Variants in CPNE4 observed in about 807,000 individuals in gnomAD.
CPNE4 encodes the protein copine-4.
CPNE4 carries 25 observed loss-of-function variants against 67.9 expected under a neutral mutation model. The ratio of observed to expected loss-of-function variants is 0.37; its 90% CI spans 0.27 to 0.51. CPNE4 has a LOEUF of 0.51. CPNE4 is among the 20% of genes least tolerant of loss of function. The pLI is 0.93. For synonymous variants in CPNE4, 242 were observed against 244.9 expected, an observed-to-expected ratio of 0.99 and a Z score of 0.11; for missense variants, 464 against 690.8, an observed-to-expected ratio of 0.67 and a Z score of 3.68.
At chr3:131,946,246 A>G (rs1030167711) in intron 1 of CPNE4, among the ~76,000 whole-genome samples, 38 of 152,076 alleles carry the variant, frequency 2.5e-4, no homozygotes, top group African/African-American at 8.9e-4. Flanking sequence ...TCTATTCTGA[A>G]TATTTCATAT....
At chr3:131,789,047 G>C (rs2083643095) in intron 2 of CPNE4, among the ~76,000 whole-genome samples, 2 of 151,372 alleles carry the variant, frequency 1.3e-5, no homozygotes, top group South Asian at 4.2e-4. Context: ...GAGAGAGAGA[G>C]AGAGAGAGAG....
chr3:131,721,398 C>CTT lies in CPNE4; in HGVS notation c.360+2046_360+2047dup, dbSNP rs35719411. The stretch of plus-strand genomic sequence containing the variant: ...CCACATGATTCCCACACGGATCTAC[C>CTT]TTTTTTTTTTTTTTTGAGACGGAGT... On this transcript the variant is annotated intron_variant, in intron 3 of 15. Coordinates refer to ENST00000429747, the MANE Select transcript of CPNE4 (RefSeq NM_130808.3). Among the ~76,000 whole-genome samples the CTT allele has an allele frequency of 8.0e-4, 103 of 128,318 alleles. 2 individuals carry two copies. The highest frequency in any genetic ancestry group is 1.0e-3 in the African/African-American group (35 of 33,838). 84.2% of individuals were successfully genotyped at this position (128,318 alleles called of 152,430 possible). A position where few individuals can be genotyped will look rare whatever the true frequency, so the allele number is the denominator to read the frequency against.
At chr3:131,670,650 A>G (rs2080387481) in intron 6 of CPNE4, among the ~76,000 whole-genome samples, 1 of 152,236 alleles carries the variant, frequency 6.6e-6, no homozygotes, top group Admixed American at 6.5e-5. Context: ...GTCCCCACCC[A>G]GAACTACCGA....
At chr3:131,657,896 A>G (rs983191931) in intron 7 of CPNE4, among the ~76,000 whole-genome samples, 5 of 152,112 alleles carry the variant, frequency 3.3e-5, no homozygotes, top group African/African-American at 4.8e-5. Flanking sequence ...CAAGCACCTT[A>G]TTAACTTAAT....
At chr3:131,737,102 T>G (rs1382472555) in intron 2 of CPNE4, among the ~76,000 whole-genome samples, 6 of 149,290 alleles carry the variant, frequency 4.0e-5, no homozygotes, top group African/African-American at 1.2e-4. Context: ...CCTCTTTTTA[T>G]GAAGTATTGT....
chr3:131,729,963 TCAGGCAGAAGG>T lies in CPNE4; in HGVS notation c.181-6349_181-6339del, dbSNP rs1327282103. ...CCGACAGTGATGGTAACTTTTCTGCTCAGGCAGAAGGCACTTACATGTTATCTTCTTCAAGC... is the reference window on the plus strand; with the variant it reads ...CCGACAGTGATGGTAACTTTTCTGCTCACTTACATGTTATCTTCTTCAAGC... On this transcript the variant is annotated intron_variant, in intron 2 of 15. Transcript: ENST00000429747. Among the ~76,000 whole-genome samples the T allele has an allele frequency of 3.3e-5, 5 of 152,346 alleles. 1 individual carries two copies. The South Asian group carries it at 8.3e-4, about 25-fold the overall frequency.
At chr3:132,004,922 T>G (rs1478172035) in intron 1 of CPNE4, among the ~76,000 whole-genome samples, 1 of 152,086 alleles carries the variant, frequency 6.6e-6, no homozygotes, top group Admixed American at 6.5e-5. Context: ...ACCACTAGAA[T>G]AGATTCTTTT....
intron 7 of CPNE4, among the ~76,000 whole-genome samples, chr3:131,611,862 T>C (rs1939861311): frequency 6.6e-6 from 1 of 152,084 alleles, no homozygotes; most frequent in African/African-American, 2.4e-5. Context: ...AACTTCACCA[T>C]GAGCAAGGAT....
At chr3:131,635,087 A>G (rs908320357) in intron 7 of CPNE4, among the ~76,000 whole-genome samples, 3 of 152,212 alleles carry the variant, frequency 2.0e-5, no homozygotes, top group African/African-American at 7.2e-5. Flanking sequence ...ATGCTTTTCC[A>G]TGATTTCTGT....
chr3:131,898,481 G>T (rs766246068), intron 2 of CPNE4, among the ~76,000 whole-genome samples: 1 of 152,090 alleles, frequency 6.6e-6, no homozygotes, highest in Non-Finnish European at 1.5e-5. Context: ...GCATACAAAA[G>T]AATTAATTAA....
Position 131,542,715 on chromosome 3 carries a change from A to G in CPNE4, c.1381T>C (p.Ser461Pro), listed in dbSNP as rs1935575315. 2 of 1,614,012 alleles carry G rather than the reference A, an allele frequency of 1.2e-6. No homozygotes were observed. The highest frequency in any genetic ancestry group is 2.2e-5 in the East Asian group (1 of 44,838). Residue 461 changes from serine (S) to proline (P), a missense_variant, in exon 15 of 16, where the codon TCC (serine) becomes CCC (proline). This residue lies in a region of CPNE4 where 201 missense variants were observed against 357.7 expected (regional missense o/e 0.56). Coordinates refer to ENST00000429747, the MANE Select transcript of CPNE4 (RefSeq NM_130808.3). ...ATGATGACTGACATGGGGAGGTGGGAGGCATGGACAATGGCCTCCCGGGTG... is the reference window on the plus strand; with the variant it reads ...ATGATGACTGACATGGGGAGGTGGGGGGCATGGACAATGGCCTCCCGGGTG... Reference protein sequence around the residue: ...ADTREAIVHASHLPMSVIIVG... With the variant: ...ADTREAIVHAPHLPMSVIIVG...
intron 3 of CPNE4, among the ~76,000 whole-genome samples, chr3:131,702,794 C>T (rs11918849): frequency 1.3e-5 from 2 of 151,998 alleles, no homozygotes; most frequent in Admixed American, 6.6e-5. Context: ...CTAGAAATAC[C>T]AATGTTCCAT....
chr3:131,829,250 G>T (rs2107990337), intron 2 of CPNE4, among the ~76,000 whole-genome samples: 1 of 152,290 alleles, frequency 6.6e-6, no homozygotes, highest in African/African-American at 2.4e-5. Context: ...ATGACATTTG[G>T]GTGGGGACAC....
intron 7 of CPNE4, among the ~76,000 whole-genome samples, chr3:131,602,533 T>C (rs1253799745): frequency 6.6e-6 from 1 of 152,130 alleles, no homozygotes; most frequent in Admixed American, 6.6e-5. Context: ...AATATGTCAC[T>C]CTTGGAAGCT....
chr3:131,538,385 C>T (rs1437550346), intron 15 of CPNE4, among the ~76,000 whole-genome samples: 1 of 152,182 alleles, frequency 6.6e-6, no homozygotes, highest in African/African-American at 2.4e-5. Context: ...TCCCCCATCC[C>T]CTTGCATATC....
At chr3:131,977,194 T>C (rs1481247521) in intron 1 of CPNE4, among the ~76,000 whole-genome samples, 2 of 152,152 alleles carry the variant, frequency 1.3e-5, no homozygotes, top group African/African-American at 2.4e-5. Context: ...ATTAACTAAT[T>C]CTTCTGAGCA....
intron 7 of CPNE4, among the ~76,000 whole-genome samples, chr3:131,639,571 C>T (rs2079485663): frequency 1.3e-5 from 2 of 152,068 alleles, no homozygotes; most frequent in African/African-American, 2.4e-5. Flanking sequence ...TGAATTCTAT[C>T]AGACATCCAA....
chr3:131,640,730 C>A (rs1316201414), intron 7 of CPNE4, among the ~76,000 whole-genome samples: 1 of 151,986 alleles, frequency 6.6e-6, no homozygotes, highest in Non-Finnish European at 1.5e-5. Context: ...GCAAAAAGAA[C>A]AAATCTGGAG....
chr3:131,595,358 A>T (rs1190814112), intron 7 of CPNE4, among the ~76,000 whole-genome samples: 3 of 152,240 alleles, frequency 2.0e-5, no homozygotes, highest in African/African-American at 7.2e-5. Flanking sequence ...AATGTGGTGC[A>T]TATACATACA....
Sources: allele counts gnomAD v4.1 joint callset (sites outside exome capture counted in the v4.1 genomes callset), GRCh38; gene constraint gnomAD v4.1.1; regional missense constraint gnomAD v4.1.1; transcripts MANE v1.5; gene names NCBI Gene and HGNC (gene_info 2026-07-23, HGNC 2026-07-21).